The following PRKN variants were observed in gnomAD, a reference collection of about 807,000 sequenced individuals.
PRKN encodes the protein parkin RBR E3 ubiquitin protein ligase.
Under a neutral mutation model 59.5 loss-of-function variants are expected in PRKN, and 56 were observed. That is an observed-to-expected ratio of 0.94 (90% CI 0.76 to 1.18). The LOEUF is 1.18. Among genes scored for constraint, PRKN ranks in the 50% most tolerant of loss-of-function variants. PRKN has a pLI of 0.00. For synonymous variants in PRKN, 250 were observed against 222.1 expected (o/e 1.13, Z -1.12); for missense variants, 657 against 596.4 (o/e 1.10, Z -1.06).
chr6:162,201,224 A>C lies in PRKN; in HGVS notation c.441T>G (p.Tyr147Ter), dbSNP rs1784717712. The change falls in exon 4 of 12, where the codon TAT (tyrosine) becomes TAG (stop). Residue 147 changes from tyrosine to a stop codon, truncating the protein, a stop_gained. Transcript: ENST00000366898. LOFTEE classifies it high-confidence loss of function. ...PAGRSIYNSF[Y>*]VYCKGPCQRV... The stretch of plus-strand genomic sequence containing the variant: ...TTTGACAGGGGCCTTTGCAATACAC[A>C]TAAAAGCTGTTGTAGATTGATCTAC... 1 of 1,614,002 alleles carries C rather than the reference A, an allele frequency of 6.2e-7. No individual in the cohort carries two copies. Among genetic ancestry groups the C allele is most frequent in the Non-Finnish European group, 8.5e-7 (1 of 1,179,864 alleles).
intron 6 of PRKN, among the ~76,000 whole-genome samples, chr6:161,900,080 C>T (rs942698933): frequency 6.6e-6 from 1 of 151,784 alleles, no homozygotes; most frequent in Admixed American, 6.6e-5. Context: ...CACTTCACTC[C>T]AGCCTAGGTG....
Position 162,438,575 on chromosome 6 carries a change from GTTC to G in PRKN, c.171+4732_171+4734del, listed in dbSNP as rs1789895298. 2.0e-5 allele frequency among the ~76,000 whole-genome samples: 3 copies of G among 152,118 alleles called. No homozygotes were observed. In the South Asian group the frequency reaches 6.2e-4, roughly 32 times the overall value. On this transcript the variant is annotated intron_variant, in intron 2 of 11. Coordinates refer to ENST00000366898, the MANE Select transcript of PRKN (RefSeq NM_004562.3). ...CTGGGTATAATATTACAGGTTGGCAGTTCTTTTCTTTCAGCATTTGAAAAACAT... is the reference window on the plus strand; with the variant it reads ...CTGGGTATAATATTACAGGTTGGCAGTTTTCTTTCAGCATTTGAAAAACAT...
intron 6 of PRKN, among the ~76,000 whole-genome samples, chr6:161,842,827 C>T (rs1165535363): frequency 2.6e-5 from 4 of 152,176 alleles, no homozygotes; most frequent in Admixed American, 6.5e-5. Context: ...GGATTACAGG[C>T]GTGAGCCACT....
chr6:161,521,652 T>C (rs1255965241), intron 9 of PRKN, among the ~76,000 whole-genome samples: 6 of 152,232 alleles, frequency 3.9e-5, no homozygotes, highest in Admixed American at 1.3e-4. Flanking sequence ...CACTTTATTA[T>C]ACACATTACT....
At chr6:162,342,507 A>G (rs1206368156) in intron 2 of PRKN, among the ~76,000 whole-genome samples, 2 of 152,114 alleles carry the variant, frequency 1.3e-5, no homozygotes, top group Non-Finnish European at 2.9e-5. Context: ...AAAAGGACTA[A>G]TCATTAAGAA....
chr6:161,403,294 C>T (rs117751440), intron 9 of PRKN, among the ~76,000 whole-genome samples: 4,183 of 152,052 alleles, frequency 0.028, 89 homozygotes, highest in Middle Eastern at 0.044. Flanking sequence ...AATTGCCTAA[C>T]GACATAGATC....
At position 161,396,131 on chromosome 6, in the gene PRKN, C is replaced by T. The variant is rs1786748702; in HGVS notation, c.1084-9254G>A. On this transcript the variant is annotated intron_variant, in intron 9 of 11. Coordinates refer to ENST00000366898, the MANE Select transcript of PRKN (RefSeq NM_004562.3). This position sits in a 1 kb window ranked among gnomAD's most constrained non-coding sequence, Gnocchi z 5.4. ...GCTGTATGCTCTCGGTCCCTAATCC[C>T]CCGCCTCTTTTCTTACTTTCTCTTT... 1.3e-5 allele frequency among the ~76,000 whole-genome samples: 2 copies of T among 152,110 alleles called. No individual in the cohort carries two copies. Among genetic ancestry groups the T allele is most frequent in the Admixed American group, 6.5e-5 (1 of 15,268 alleles).
chr6:162,019,671 C>T (rs1301837380), intron 5 of PRKN, among the ~76,000 whole-genome samples: 1 of 152,158 alleles, frequency 6.6e-6, no homozygotes, highest in South Asian at 2.1e-4. Flanking sequence ...GTTAGCACAA[C>T]AGACTACAAC....
chr6:162,363,373 G>C (rs1478936494), intron 2 of PRKN, among the ~76,000 whole-genome samples: 1 of 79,838 alleles, frequency 1.3e-5, no homozygotes, highest in East Asian at 6.2e-4. Flanking sequence ...CCTTTCTGTA[G>C]GAAAAAAATG....
rs544514101 is a variant in PRKN at position 161,548,792 on chromosome 6, C to T, written c.1083+62G>A. The stretch of plus-strand genomic sequence containing the variant: ...AAATAAAATAAAAATATAATCCCAG[C>T]CCATGTGCAAAAGCAAACAAGGACA... On this transcript the variant is annotated intron_variant, in intron 9 of 11. Coordinates refer to ENST00000366898, the MANE Select transcript of PRKN (RefSeq NM_004562.3). The surrounding 1 kb of genome is among the most constrained non-coding windows in gnomAD (Gnocchi z 4.2). 2 of 1,419,740 alleles carry T rather than the reference C, an allele frequency of 1.4e-6. No individual in the cohort carries two copies. Among genetic ancestry groups the T allele is most frequent in the East Asian group, 4.6e-5 (2 of 43,862 alleles). 87.9% of individuals were successfully genotyped at this position (1,419,740 alleles called of 1,614,324 possible). A position where few individuals can be genotyped will look rare whatever the true frequency, so the allele number is the denominator to read the frequency against.
chr6:161,688,621 T>C (rs1028080615), intron 7 of PRKN, among the ~76,000 whole-genome samples: 1 of 152,198 alleles, frequency 6.6e-6, no homozygotes, highest in Non-Finnish European at 1.5e-5. Flanking sequence ...CAGGTACTAG[T>C]ATAGCGGCGC....
chr6:161,749,041 C>A (rs1159868463), intron 7 of PRKN, among the ~76,000 whole-genome samples: 3 of 152,086 alleles, frequency 2.0e-5, no homozygotes, highest in Non-Finnish European at 4.4e-5. Context: ...TTGGCAAAAC[C>A]AAGGGGAGGG....
At chr6:162,580,735 C>T (rs1780758265) in intron 1 of PRKN, among the ~76,000 whole-genome samples, 1 of 152,200 alleles carries the variant, frequency 6.6e-6, no homozygotes, top group Non-Finnish European at 1.5e-5. Flanking sequence ...TTGAGCTACA[C>T]TGTTTATATG....
chr6:161,874,115 T>C lies in PRKN; in HGVS notation c.735-88207A>G, dbSNP rs1369484896. Among the ~76,000 whole-genome samples the C allele has an allele frequency of 4.1e-4, 25 of 61,506 alleles. 5 individuals carry two copies. Among genetic ancestry groups the C allele is most frequent in the African/African-American group, 1.7e-3 (25 of 14,916 alleles). The allele number at this position is 61,506 out of a possible 152,430, so 40.4% of individuals were successfully genotyped here. A position where few individuals can be genotyped will look rare whatever the true frequency, so the allele number is the denominator to read the frequency against. On this transcript the variant is annotated intron_variant, in intron 6 of 11. Coordinates refer to ENST00000366898, the MANE Select transcript of PRKN (RefSeq NM_004562.3). ...TATATAATATATATTATATGTAAAA[T>C]ATAATATATAATATATATTATATGT...
Position 161,407,785 on chromosome 6 carries a change from T to G in PRKN, c.1084-20908A>C, listed in dbSNP as rs1454117845. 6.6e-6 allele frequency among the ~76,000 whole-genome samples: 1 copy of G among 152,172 alleles called. No individual in the cohort carries two copies. The highest frequency in any genetic ancestry group is 1.5e-5 in the Non-Finnish European group (1 of 68,026). Reference sequence around the variant, plus strand: ...CCAACCTTATGACATTCCACCATTATGACTTGTTCTGGCCCTGCCCCAACT... The same window carrying G: ...CCAACCTTATGACATTCCACCATTAGGACTTGTTCTGGCCCTGCCCCAACT... On this transcript the variant is annotated intron_variant, in intron 9 of 11. Transcript: ENST00000366898. The surrounding 1 kb of genome is among the most constrained non-coding windows in gnomAD (Gnocchi z 4.9).
chr6:161,462,787 C>T lies in PRKN; in HGVS notation c.1084-75910G>A, dbSNP rs886627922. On this transcript the variant is annotated intron_variant, in intron 9 of 11. Coordinates refer to ENST00000366898, the MANE Select transcript of PRKN (RefSeq NM_004562.3). The surrounding 1 kb of genome is among the most constrained non-coding windows in gnomAD (Gnocchi z 4.5). ...GGTAGCAATAAAAACACACAGAATACACTTTCATCCCAAAATTGGCATACT... is the reference window on the plus strand; with the variant it reads ...GGTAGCAATAAAAACACACAGAATATACTTTCATCCCAAAATTGGCATACT... Among the ~76,000 whole-genome samples, 2 of 152,148 alleles carry T rather than the reference C, an allele frequency of 1.3e-5. No homozygotes were observed. The highest frequency in any genetic ancestry group is 2.9e-5 in the Non-Finnish European group (2 of 68,032).
In PRKN at chr6:161,549,485, C is replaced by T. The variant is rs934448399; in HGVS notation, c.934-482G>A. On this transcript the variant is annotated intron_variant, in intron 8 of 11. Transcript: ENST00000366898. This position sits in a 1 kb window ranked among gnomAD's most constrained non-coding sequence, Gnocchi z 6.0. ...TTTTGAAAATCGGCCCAGCATTCCACCTCATAATATTGGCAGCCCACACAA... is the reference window on the plus strand; with the variant it reads ...TTTTGAAAATCGGCCCAGCATTCCATCTCATAATATTGGCAGCCCACACAA... Among the ~76,000 whole-genome samples the T allele has an allele frequency of 6.6e-6, 1 of 152,160 alleles. No homozygotes were observed. The highest frequency in any genetic ancestry group is 2.4e-5 in the African/African-American group (1 of 41,412).
chr6:162,126,026 G>A (rs1159319501), intron 4 of PRKN, among the ~76,000 whole-genome samples: 3 of 152,180 alleles, frequency 2.0e-5, no homozygotes, highest in African/African-American at 7.2e-5. Flanking sequence ...GGCTTCTGTA[G>A]ATTATGATGT....
chr6:162,014,808 A>AT (rs35505752), intron 5 of PRKN, among the ~76,000 whole-genome samples: 43,395 of 149,166 alleles, frequency 0.29, 7,086 homozygotes, highest in East Asian at 0.54. Context: ...CACCTTTCGT[A>AT]TTTTTTTTTT....
Sources: gnomAD v4.1 joint callset for allele counts (sites outside exome capture counted in the v4.1 genomes callset) on GRCh38, gnomAD v4.1.1 for gene constraint, Gnocchi (gnomAD v3.1) non-coding constraint, MANE v1.5 for transcripts, NCBI Gene and HGNC (gene_info 2026-07-23, HGNC 2026-07-21) for gene names.